PAK3: variants seen among roughly 807,000 people sequenced by gnomAD.
The protein encoded by PAK3 is serine/threonine-protein kinase PAK 3.
PAK3 carries 4 observed loss-of-function variants against 41.0 expected under a neutral mutation model. The ratio of observed to expected loss-of-function variants is 0.10; its 90% CI spans 0.05 to 0.22. The LOEUF (loss-of-function observed/expected upper bound fraction) is 0.22, where lower values mean the gene tolerates loss of function less well. Ranked by LOEUF, PAK3 falls within the 10% of genes least tolerant of loss-of-function variation. The probability of loss-of-function intolerance (pLI) is 1.00; values close to 1 mark genes in which losing one functional copy is unlikely to be tolerated. For missense variants in PAK3, 205 were observed against 409.9 expected (o/e 0.50, Z 4.32); for synonymous variants, 146 against 139.6 (o/e 1.05, Z -0.32).
intron 1 of PAK3, among the ~76,000 whole-genome samples, chrX:111,065,775 G>A (rs2092697759): frequency 9.0e-6 from 1 of 110,956 alleles, no homozygotes; most frequent in Non-Finnish European, 1.9e-5. Context: ...TTTTTTTCCT[G>A]ACTCAATCTT....
chrX:111,002,093 T>C (rs187769722), intron 1 of PAK3, among the ~76,000 whole-genome samples: 1 of 111,929 alleles, frequency 8.9e-6, no homozygotes, highest in East Asian at 2.8e-4. Flanking sequence ...AGTTCCTTAC[T>C]TGTTTAGTGT....
intron 1 of PAK3, among the ~76,000 whole-genome samples, chrX:111,005,884 G>C (rs2091914449): frequency 8.9e-6 from 1 of 111,732 alleles, no homozygotes. Context: ...GCATCAAAAA[G>C]CAATGAGGAA....
At chrX:111,037,797 A>T (rs988403543) in intron 1 of PAK3, among the ~76,000 whole-genome samples, 17 of 111,629 alleles carry the variant, frequency 1.5e-4, no homozygotes, top group Admixed American at 9.5e-5. Context: ...TTCAATATTT[A>T]AAAAACCTGA....
intron 11 of PAK3, among the ~76,000 whole-genome samples, chrX:111,180,555 C>T (rs757324181): frequency 8.9e-6 from 1 of 112,055 alleles, no homozygotes; most frequent in Non-Finnish European, 1.9e-5. Context: ...TATAAGGCAG[C>T]TCCATTTTTA....
chrX:111,022,081 T>A (rs1217643174), intron 1 of PAK3, among the ~76,000 whole-genome samples: 2 of 111,548 alleles, frequency 1.8e-5, no homozygotes, highest in African/African-American at 6.5e-5. Context: ...AGAAGAGAAA[T>A]CTAAAAGTTT....
intron 1 of PAK3, among the ~76,000 whole-genome samples, chrX:110,979,743 A>G (rs2091417405): frequency 8.9e-6 from 1 of 112,136 alleles, no homozygotes; most frequent in African/African-American, 3.2e-5. Context: ...CTTTTCTAAT[A>G]TATGCATTGA....
chrX:111,177,628 G>A (rs7057002), intron 11 of PAK3, among the ~76,000 whole-genome samples: 11,336 of 111,497 alleles, frequency 0.1, 1,322 homozygotes, highest in African/African-American at 0.34. Flanking sequence ...TATCCGGTGC[G>A]CACTTGAGAA....
Position 111,163,005 on chromosome X carries a change from C to G in PAK3, c.559C>G (p.Pro187Ala). 8.3e-7 allele frequency: 1 copy of G among 1,206,923 alleles called. No individual in the cohort carries two copies. The highest frequency in any genetic ancestry group is 2.2e-5 in the Admixed American group (1 of 45,907). The change falls in exon 9 of 18, where the codon CCA becomes GCA. Residue 187 changes from proline (P) to alanine (A), a missense_variant. Pro to Ala is a conservative substitution (Grantham distance 27). Coordinates refer to ENST00000372007, the MANE Select transcript of PAK3 (RefSeq NM_002578.5). ...AGAAGAAGAAGAAGATGAAAATGAG[C>G]CACCACCAGTTATCGCACCAAGACC... ...EEEEEEDENE[P>A]PPVIAPRPEH...
chrX:111,210,477 A>G (rs772087188), intron 16 of PAK3, among the ~76,000 whole-genome samples: 84 of 111,273 alleles, frequency 7.5e-4, no homozygotes, highest in Non-Finnish European at 1.3e-3. Flanking sequence ...AAGTTATTAC[A>G]TGCCAGGCCT....
chrX:111,002,312 A>C (rs1281894745), intron 1 of PAK3, among the ~76,000 whole-genome samples: 2 of 112,237 alleles, frequency 1.8e-5, no homozygotes, highest in Non-Finnish European at 3.8e-5. Flanking sequence ...AAGGTTGCAC[A>C]GTAAGTGGTT....
chrX:111,061,773 A>C (rs1199324497), intron 1 of PAK3, among the ~76,000 whole-genome samples: 1 of 111,089 alleles, frequency 9.0e-6, no homozygotes, highest in Non-Finnish European at 1.9e-5. Context: ...TTATTGGTGT[A>C]TAGGTAAACT....
chrX:111,044,498 C>T (rs915421024), intron 1 of PAK3, among the ~76,000 whole-genome samples: 4 of 112,011 alleles, frequency 3.6e-5, no homozygotes, highest in Non-Finnish European at 7.5e-5. Flanking sequence ...CTTCTCCTTT[C>T]CTTTATTCCC....
At chrX:111,009,384 G>A (rs928060661) in intron 1 of PAK3, among the ~76,000 whole-genome samples, 3 of 111,962 alleles carry the variant, frequency 2.7e-5, no homozygotes, top group African/African-American at 9.7e-5. Context: ...TCTAAAAGAT[G>A]GCACTGGAAG....
chrX:111,012,908 T>C (rs1052205668), intron 1 of PAK3, among the ~76,000 whole-genome samples: 1 of 111,746 alleles, frequency 8.9e-6, no homozygotes, highest in Non-Finnish European at 1.9e-5. Context: ...CTCAGCCTAC[T>C]GAGTAGCTGA....
At chrX:111,082,029 A>G (rs930933887) in intron 1 of PAK3, among the ~76,000 whole-genome samples, 3 of 112,335 alleles carry the variant, frequency 2.7e-5, no homozygotes, top group Non-Finnish European at 5.6e-5. Context: ...AAAATAAGTC[A>G]TAAAAATAAG....
chrX:110,981,483 A>T (rs1172500499), intron 1 of PAK3, among the ~76,000 whole-genome samples: 3 of 111,571 alleles, frequency 2.7e-5, no homozygotes, highest in Non-Finnish European at 5.6e-5. Context: ...CATGAACTAA[A>T]GTATTTAAAG....
intron 5 of PAK3, among the ~76,000 whole-genome samples, chrX:111,129,540 G>A (rs17320861): frequency 0.018 from 2,014 of 111,019 alleles, 19 homozygotes; most frequent in Middle Eastern, 0.032. Flanking sequence ...TAGGAAACCC[G>A]TGTTGAAATG....
intron 1 of PAK3, among the ~76,000 whole-genome samples, chrX:111,011,253 AG>A (rs1171102820): frequency 9.0e-6 from 1 of 111,494 alleles, no homozygotes; most frequent in African/African-American, 3.3e-5. Flanking sequence ...CTCGAAATGA[AG>A]GCATGATTTT....
upstream of PAK3, among the ~76,000 whole-genome samples, chrX:111,094,805 C>G (rs1311102290): frequency 9.4e-6 from 1 of 106,489 alleles, no homozygotes; most frequent in Non-Finnish European, 1.9e-5. Flanking sequence ...TCTCCTGTCT[C>G]AGCCTCCCAA....
Sources: gnomAD v4.1 joint callset for allele counts (sites outside exome capture counted in the v4.1 genomes callset) on GRCh38, gnomAD v4.1.1 for gene constraint, MANE v1.5 for transcripts, NCBI Gene and HGNC (gene_info 2026-07-23, HGNC 2026-07-21) for gene names.